The following SLC38A6 variants were observed in gnomAD, a reference collection of about 807,000 sequenced individuals.
The protein encoded by SLC38A6 is N system amino acid transporter NAT-1.
A neutral mutation model predicts 65.0 loss-of-function variants in SLC38A6; 73 were observed. That is an observed-to-expected ratio of 1.12 (90% CI 0.93 to 1.37). The LOEUF (loss-of-function observed/expected upper bound fraction) is 1.37. Among genes scored for constraint, SLC38A6 ranks in the 40% most tolerant of loss-of-function variants. The probability of loss-of-function intolerance (pLI) is 0.00; values close to 1 mark genes in which losing one functional copy is unlikely to be tolerated. For synonymous variants in SLC38A6, 183 were observed against 178.8 expected (o/e 1.02, Z -0.19); for missense variants, 561 against 531.1 (o/e 1.06, Z -0.55).
In SLC38A6 at chr14:61,007,379, C is replaced by A. The variant is rs148391583; in HGVS notation, c.311-8525C>A. 1.4e-3 allele frequency among the ~76,000 whole-genome samples: 207 copies of A among 152,036 alleles called. 3 individuals carry two copies. The East Asian group carries it at 0.037, about 27-fold the overall frequency. On this transcript the variant is annotated intron_variant, in intron 3 of 15. Coordinates refer to ENST00000267488, the MANE Select transcript of SLC38A6 (RefSeq NM_153811.3). The stretch of plus-strand genomic sequence containing the variant: ...ATGCAGTGGCTCACACCAGTAATCC[C>A]AGCACTTTGTGAGGCCAAGGTAGGA...
chr14:61,022,169 G>T (rs1389856454), intron 5 of SLC38A6, among the ~76,000 whole-genome samples: 1 of 151,948 alleles, frequency 6.6e-6, no homozygotes, highest in Non-Finnish European at 1.5e-5. Context: ...CAATGCGAGG[G>T]TTATACTTGG....
At chr14:61,082,262 T>C (rs2043687659) in intron 16 of SLC38A6, among the ~76,000 whole-genome samples, 1 of 152,190 alleles carries the variant, frequency 6.6e-6, no homozygotes, top group Admixed American at 6.5e-5. Context: ...ATCGTAAAAC[T>C]GGTCTGCCTG....
At chr14:61,009,864 A>C (rs7143176) in intron 3 of SLC38A6, among the ~76,000 whole-genome samples, 141,847 of 152,224 alleles carry the variant, frequency 0.93, 66,476 homozygotes, top group Non-Finnish European at 0.99. Context: ...GTCTTTATAG[A>C]AGCATGATTT....
intron 3 of SLC38A6, among the ~76,000 whole-genome samples, chr14:60,993,300 T>G (rs1190744365): frequency 2.6e-5 from 4 of 152,216 alleles, no homozygotes; most frequent in Non-Finnish European, 4.4e-5. Context: ...TGCTTAAGGT[T>G]GCACAGCTAG....
chr14:61,002,962 C>T (rs1389113576), intron 3 of SLC38A6, among the ~76,000 whole-genome samples: 1 of 151,940 alleles, frequency 6.6e-6, no homozygotes, highest in Non-Finnish European at 1.5e-5. Flanking sequence ...TGGACATCAC[C>T]ACATCTTATT....
intron 16 of SLC38A6, among the ~76,000 whole-genome samples, chr14:61,082,412 A>T (rs1475165246): frequency 6.6e-6 from 1 of 152,124 alleles, no homozygotes; most frequent in African/African-American, 2.4e-5. Context: ...TTCTTGTTCC[A>T]TGAGTCTCTG....
intron 8 of SLC38A6, among the ~76,000 whole-genome samples, chr14:61,038,792 C>T (rs2041578746): frequency 6.6e-6 from 1 of 152,188 alleles, no homozygotes; most frequent in South Asian, 2.1e-4. Context: ...ACAGTGTTTA[C>T]ATTTAATCAT....
At chr14:61,018,618 G>C (rs1406447439) in intron 4 of SLC38A6, among the ~76,000 whole-genome samples, 1 of 152,106 alleles carries the variant, frequency 6.6e-6, no homozygotes, top group African/African-American at 2.4e-5. Context: ...ATTAAGACTT[G>C]AGTGATTGAA....
intron 3 of SLC38A6, among the ~76,000 whole-genome samples, chr14:60,990,509 A>T (rs2037783347): frequency 6.6e-6 from 1 of 152,108 alleles, no homozygotes; most frequent in Admixed American, 6.5e-5. Context: ...TACTGTTCCC[A>T]TCTAAGTAAA....
chr14:61,007,506 T>TTTGC, intron 3 of SLC38A6, among the ~76,000 whole-genome samples: 1 of 152,062 alleles, frequency 6.6e-6, no homozygotes, highest in Middle Eastern at 3.4e-3. Context: ...GCCTGGTGTA[T>TTTGC]TTGCATGTGC....
intron 4 of SLC38A6, among the ~76,000 whole-genome samples, chr14:61,016,408 C>T (rs1336521283): frequency 1.3e-5 from 2 of 152,116 alleles, no homozygotes; most frequent in African/African-American, 4.8e-5. Context: ...GATTATCTAG[C>T]TATCCTCTCA....
chr14:61,023,828 C>T (rs1236009123), intron 5 of SLC38A6, among the ~76,000 whole-genome samples: 3 of 151,864 alleles, frequency 2.0e-5, no homozygotes, highest in Admixed American at 2.0e-4. Flanking sequence ...ATGTGTCTTT[C>T]GCCAAAGACC....
chr14:61,033,257 C>A (rs2041126651), intron 6 of SLC38A6, among the ~76,000 whole-genome samples: 1 of 151,850 alleles, frequency 6.6e-6, no homozygotes, highest in Non-Finnish European at 1.5e-5. Flanking sequence ...ATTAAAGCGA[C>A]TTATAAATAA....
intron 5 of SLC38A6, among the ~76,000 whole-genome samples, chr14:61,023,544 A>T (rs962625217): frequency 1.4e-5 from 2 of 141,110 alleles, no homozygotes; most frequent in Non-Finnish European, 3.0e-5. Context: ...CTGAACTCCA[A>T]CCTGGGCAAC....
At chr14:61,018,156 A>G (rs1237202369) in intron 4 of SLC38A6, among the ~76,000 whole-genome samples, 1 of 152,222 alleles carries the variant, frequency 6.6e-6, no homozygotes, top group Non-Finnish European at 1.5e-5. Context: ...ATGAAAGAAT[A>G]ATCATCAATA....
At chr14:60,992,941 G>A (rs2038020989) in intron 3 of SLC38A6, among the ~76,000 whole-genome samples, 1 of 151,868 alleles carries the variant, frequency 6.6e-6, no homozygotes, top group Admixed American at 6.6e-5. Context: ...CTGCCTCCCG[G>A]GTTCAAGTGA....
chr14:61,077,641 C>T (rs1304583843), intron 15 of SLC38A6, among the ~76,000 whole-genome samples: 1 of 152,158 alleles, frequency 6.6e-6, no homozygotes, highest in Non-Finnish European at 1.5e-5. Flanking sequence ...ATTTGTCATT[C>T]ATTTGCATTC....
intron 3 of SLC38A6, among the ~76,000 whole-genome samples, chr14:60,999,067 T>A (rs140401612): frequency 2.0e-5 from 3 of 152,216 alleles, no homozygotes; most frequent in Non-Finnish European, 4.4e-5. Context: ...TTTACTGTTA[T>A]TAGTAGTACA....
At chr14:61,048,022 CATACATAA>C (rs1289380578) in intron 12 of SLC38A6, 16 of 308,406 alleles carry the variant, frequency 5.2e-5, no homozygotes, top group South Asian at 1.4e-4. Flanking sequence ...TACATACATA[CATACATAA>C]ATAGAATAAA....
Sources: allele counts gnomAD v4.1 joint callset (sites outside exome capture counted in the v4.1 genomes callset), GRCh38; gene constraint gnomAD v4.1.1; transcripts MANE v1.5; gene names NCBI Gene and HGNC (gene_info 2026-07-23, HGNC 2026-07-21).